Variants in EXOC3L4 observed in about 807,000 individuals in gnomAD.
The protein encoded by EXOC3L4 is exocyst complex component 3 like 4.
In EXOC3L4, 62 loss-of-function variants were observed where a neutral mutation model predicts 69.7. The observed-to-expected ratio is 0.89, with a 90% CI of 0.72 to 1.10. The LOEUF (loss-of-function observed/expected upper bound fraction) is 1.10. Among genes scored for constraint, EXOC3L4 ranks in the 50% least tolerant of loss-of-function variants. EXOC3L4 has a pLI of 0.00. For synonymous variants in EXOC3L4, 502 were observed against 464.2 expected (o/e 1.08, Z -1.05); for missense variants, 1,087 against 1,034.8 (o/e 1.05, Z -0.69).
chr14:103,103,797 CGTGTGTGTGTGT>C (rs56147384), intron 3 of EXOC3L4, 132 bp from the exon 4 acceptor site: 10 of 433,726 alleles, frequency 2.3e-5, no homozygotes, highest in South Asian at 1.8e-4. Context: ...GGCGCGCGCG[CGTGTGTGTGTGT>C]GTGTGTGTGT....
intron 1 of EXOC3L4, 118 bp from the exon 2 acceptor site, chr14:103,100,086 C>A: frequency 8.6e-7 from 1 of 1,157,756 alleles, no homozygotes; most frequent in Non-Finnish European, 1.2e-6. Context: ...TTTTGACAGC[C>A]TGAGGGCTGC....
rs1044327461 is a variant in EXOC3L4, at chr14:103,097,042, G to C, written c.-17+2202G>C. The stretch of plus-strand genomic sequence containing the variant: ...GCGTAGTTGGGGAGGCTGGGGAGTG[G>C]GTGAGCACTGCAGAGTGATTGGGAG... On this transcript the variant is annotated intron_variant, in intron 1 of 11. Coordinates refer to ENST00000688303, the MANE Select transcript of EXOC3L4 (RefSeq NM_001077594.2). The surrounding 1 kb of genome is among the most constrained non-coding windows in gnomAD (Gnocchi z 4.9). Among the ~76,000 whole-genome samples, 1 of 151,990 alleles carries C rather than the reference G, an allele frequency of 6.6e-6. No homozygotes were observed. The highest frequency in any genetic ancestry group is 1.9e-4 in the East Asian group (1 of 5,182).
chr14:103,106,649 C>T lies in EXOC3L4; in HGVS notation c.1467-136C>T, dbSNP rs116666239. ...GTGCTGTCCCCCACTTGACTCTGCT[C>T]GCAGACAGCTACAATGGGGAGCCCC... On this transcript the variant is annotated intron_variant, in intron 7 of 11. Transcript: ENST00000688303. 5.5e-3 allele frequency: 3,234 copies of T among 590,492 alleles called. 77 individuals carry two copies. Among genetic ancestry groups the T allele is most frequent in the African/African-American group, 0.053 (2,817 of 53,168 alleles). 36.6% of individuals were successfully genotyped at this position (590,492 alleles called of 1,614,324 possible). A position where few individuals can be genotyped will look rare whatever the true frequency, so the allele number is the denominator to read the frequency against.
At chr14:103,096,110 G>A (rs956821276) in intron 1 of EXOC3L4, among the ~76,000 whole-genome samples, 1 of 152,182 alleles carries the variant, frequency 6.6e-6, no homozygotes. Context: ...CCAGCACTTT[G>A]GGAGGCTGAG....
rs1890693070 is a variant in EXOC3L4 at position 103,108,293 on chromosome 14, A to C, written c.1855-103A>C. ...AGCCAGAGTGACTACAGGAGGGCTG[A>C]CGCTGCGGGAGGGCTGACCTCGCAC... On this transcript the variant is annotated intron_variant, in intron 10 of 11. Transcript: ENST00000688303. 2.7e-6 allele frequency: 4 copies of C among 1,503,640 alleles called. No individual in the cohort carries two copies. In the African/African-American group the frequency reaches 5.5e-5, roughly 21 times the overall value. The allele number at this position is 1,503,640 out of a possible 1,614,324, so 93.1% of individuals were successfully genotyped here.
At chr14:103,101,132 T>C (rs976549565) in intron 2 of EXOC3L4, among the ~76,000 whole-genome samples, 3 of 152,042 alleles carry the variant, frequency 2.0e-5, no homozygotes, top group African/African-American at 7.3e-5. Context: ...GGTCTTGAGC[T>C]CCTGACCTCG....
chr14:103,109,954 C>T (rs1260822214), intron 11 of EXOC3L4, 77 bp from the exon 12 acceptor site: 5 of 1,438,576 alleles, frequency 3.5e-6, no homozygotes, highest in Admixed American at 2.4e-5. Flanking sequence ...CTCCCAAGCC[C>T]GTGGGTTCGC....
intron 3 of EXOC3L4, chr14:103,103,695 C>T: frequency 2.0e-6 from 1 of 506,422 alleles, no homozygotes. Flanking sequence ...GGCGGAGTGC[C>T]ATCTGGGTAG....
Position 103,100,450 on chromosome 14 carries a change from G to A in EXOC3L4, c.231G>A (p.Arg77=), listed in dbSNP as rs1480318560. 1 of 1,613,414 alleles carries A rather than the reference G, an allele frequency of 6.2e-7. No individual in the cohort carries two copies. The highest frequency in any genetic ancestry group is 1.3e-5 in the African/African-American group (1 of 75,060). ...QVSKEDTGLF[R]RSSCSLFRSF... is the part of the protein sequence containing the mutation. ...CCAAGGAAGATACGGGCCTGTTCCG[G>A]CGAAGCTCCTGCTCCCTGTTCCGGT... Residue 77 remains arginine, a synonymous_variant, in exon 2 of 12, where the codon CGG becomes CGA. Coordinates refer to ENST00000688303, the MANE Select transcript of EXOC3L4 (RefSeq NM_001077594.2).
At chr14:103,100,147 A>C in intron 1 of EXOC3L4, 57 bp from the exon 2 acceptor site, 1 of 1,452,040 alleles carries the variant, frequency 6.9e-7, no homozygotes, top group East Asian at 2.5e-5. Context: ...GCCAGGCCCC[A>C]CAGGGCCACA....
Position 103,100,456 on chromosome 14 carries a change from C to T in EXOC3L4, c.237C>T (p.Ser79=). The change falls in exon 2 of 12, where the codon AGC becomes AGT. Residue 79 remains serine (S), a synonymous_variant. Coordinates refer to ENST00000688303, the MANE Select transcript of EXOC3L4 (RefSeq NM_001077594.2). Reference sequence around the variant, plus strand: ...AAGATACGGGCCTGTTCCGGCGAAGCTCCTGCTCCCTGTTCCGGTCCTTCC... The same window carrying T: ...AAGATACGGGCCTGTTCCGGCGAAGTTCCTGCTCCCTGTTCCGGTCCTTCC... ...SKEDTGLFRR[S]SCSLFRSFRQ... 6.2e-7 allele frequency: 1 copy of T among 1,613,428 alleles called. No individual in the cohort carries two copies. The highest frequency in any genetic ancestry group is 8.5e-7 in the Non-Finnish European group (1 of 1,179,954).
chr14:103,104,339 G>T lies in EXOC3L4; in HGVS notation c.1234G>T (p.Glu412Ter). The change falls in exon 5 of 12, where the codon GAG (glutamate) becomes TAG (stop). Residue 412 changes from glutamate to a stop codon, truncating the protein, a stop_gained. Transcript: ENST00000688303. LOFTEE classifies it high-confidence loss of function. ...QSHWAAAEVP[E>*]VLQGLYQAPL... The stretch of plus-strand genomic sequence containing the variant: ...TCACTGGGCGGCCGCCGAGGTCCCC[G>T]AGGTGCTGCAGGGCCTCTACCAGGC... The T allele has an allele frequency of 6.3e-7, 1 of 1,592,058 alleles. No homozygotes were observed.
chr14:103,101,983 C>T, intron 2 of EXOC3L4, 135 bp from the exon 3 acceptor site: 2 of 948,830 alleles, frequency 2.1e-6, no homozygotes, highest in Non-Finnish European at 3.1e-6. Flanking sequence ...TGGAGCAGGC[C>T]TTCAGCTGTG....
At chr14:103,106,234 A>G (rs542173155) in intron 7 of EXOC3L4, among the ~76,000 whole-genome samples, 1 of 152,216 alleles carries the variant, frequency 6.6e-6, no homozygotes, top group Non-Finnish European at 1.5e-5. Flanking sequence ...AAGCATGACC[A>G]TCAGGCACTG....
intron 11 of EXOC3L4, among the ~76,000 whole-genome samples, chr14:103,109,187 C>CCCTT (rs1459409228): frequency 4.8e-5 from 5 of 103,192 alleles, no homozygotes; most frequent in South Asian, 4.2e-4. Flanking sequence ...CTCCCTCTCT[C>CCCTT]CCTCGCCACC....
chr14:103,108,208 T>C (rs1176680127), intron 10 of EXOC3L4, among the ~76,000 whole-genome samples, 188 bp from the exon 11 acceptor site: 1 of 152,132 alleles, frequency 6.6e-6, no homozygotes, highest in Admixed American at 6.5e-5. Context: ...AGCCAGCCCA[T>C]GAGCCCTCGG....
intron 4 of EXOC3L4, 79 bp downstream of exon 4, chr14:103,104,131 C>G: frequency 1.4e-6 from 2 of 1,446,716 alleles, no homozygotes; most frequent in Non-Finnish European, 1.8e-6. Context: ...CCCAGGCTAT[C>G]GGCGGCCAGA....
intron 7 of EXOC3L4, 57 bp downstream of exon 7, chr14:103,105,129 G>A (rs1040655241): frequency 2.6e-6 from 4 of 1,549,974 alleles, no homozygotes; most frequent in African/African-American, 2.8e-5. Context: ...GCGCGCGAGC[G>A]CCGGGAACCT....
chr14:103,103,371 A>AAAAAAAAG (rs1890326875), intron 3 of EXOC3L4, among the ~76,000 whole-genome samples: 2 of 144,070 alleles, frequency 1.4e-5, no homozygotes, highest in Non-Finnish European at 3.0e-5. Context: ...AAAAAAAAAA[A>AAAAAAAAG]GAAAGAAAGA....
Sources: gnomAD v4.1 joint callset for allele counts (sites outside exome capture counted in the v4.1 genomes callset) on GRCh38, gnomAD v4.1.1 for gene constraint, Gnocchi (gnomAD v3.1) non-coding constraint, MANE v1.5 for transcripts, NCBI Gene and HGNC (gene_info 2026-07-23, HGNC 2026-07-21) for gene names.